The following EFCAB6 variants were observed in gnomAD, a reference collection of about 807,000 sequenced individuals.
EFCAB6 encodes the protein EF-hand calcium-binding domain-containing protein 6.
EFCAB6 carries 156 observed loss-of-function variants against 169.8 expected under a neutral mutation model. The observed-to-expected ratio is 0.92, with a 90% confidence interval of 0.81 to 1.05. EFCAB6 has a LOEUF of 1.05. Among genes scored for constraint, EFCAB6 ranks in the 50% least tolerant of loss-of-function variants. The pLI, the probability that EFCAB6 is intolerant of heterozygous loss-of-function variation, is 0.00. For synonymous variants in EFCAB6, 698 were observed against 676.4 expected, an observed-to-expected ratio of 1.03 and a Z score of -0.50; for missense variants, 1,800 against 1,829.1, an observed-to-expected ratio of 0.98 and a Z score of 0.29.
At chr22:43,581,757 A>G (rs921474211) in intron 24 of EFCAB6, among the ~76,000 whole-genome samples, 4 of 152,178 alleles carry the variant, frequency 2.6e-5, no homozygotes, top group African/African-American at 7.2e-5. Context: ...CCAAGAGCTG[A>G]GCTTTTCCAA....
In EFCAB6 at chr22:43,537,942, A is replaced by G. The variant is rs192209753; in HGVS notation, c.3880-397T>C. Among the ~76,000 whole-genome samples, 4 of 152,338 alleles carry G rather than the reference A, an allele frequency of 2.6e-5. No homozygotes were observed. Among genetic ancestry groups the G allele is most frequent in the Admixed American group, 1.3e-4 (2 of 15,298 alleles). ...GGCACAAGACATCCAATCCGTAAAC[A>G]TTCACAGAATATCTGTTATTTAGAC... On this transcript the variant is annotated intron_variant, in intron 28 of 31. Transcript: ENST00000262726. This position sits in a 1 kb window ranked among gnomAD's most constrained non-coding sequence, Gnocchi z 4.3.
rs34955597 is a variant in EFCAB6, at chr22:43,554,973, T to G, written c.3544A>C (p.Thr1182Pro). 82,148 of 1,614,070 alleles carry G rather than the reference T, an allele frequency of 0.051. 2,401 individuals carry two copies. Among genetic ancestry groups the G allele is most frequent in the South Asian group, 0.07 (6,365 of 91,070 alleles). Residue 1182 changes from threonine to proline, a missense_variant, in exon 27 of 32, where the codon ACC (threonine) becomes CCC (proline). Transcript: ENST00000262726. ...GTGTCAAAATTCTCAAACTCCTGGG[T>G]GATGGCATGGTAATGGGAAGTCACT... ...KAVTSHYHAI[T>P]QEFENFDTMK...
intron 10 of EFCAB6, among the ~76,000 whole-genome samples, chr22:43,696,467 A>G (rs2058579172): frequency 6.6e-6 from 1 of 152,186 alleles, no homozygotes; most frequent in South Asian, 2.1e-4. Context: ...AGAAATGAAA[A>G]CATGTCCACA....
At chr22:43,676,747 T>C (rs1467449849) in intron 13 of EFCAB6, among the ~76,000 whole-genome samples, 3 of 152,160 alleles carry the variant, frequency 2.0e-5, no homozygotes, top group Admixed American at 6.5e-5. Context: ...TCCAATAAAC[T>C]GTCCCATTTT....
At chr22:43,807,280 C>G (rs1739569017) in intron 2 of EFCAB6, among the ~76,000 whole-genome samples, 2 of 152,214 alleles carry the variant, frequency 1.3e-5, no homozygotes, top group Admixed American at 6.5e-5. Flanking sequence ...TAGCTCACCC[C>G]TGACTTTACA....
At chr22:43,782,686 C>T (rs1296705147) in intron 2 of EFCAB6, among the ~76,000 whole-genome samples, 1 of 152,152 alleles carries the variant, frequency 6.6e-6, no homozygotes, top group Non-Finnish European at 1.5e-5. Context: ...ATTCAACATG[C>T]AGTCAGAGGC....
At chr22:43,535,009 G>A in intron 29 of EFCAB6, 137 bp from the exon 30 acceptor site, 1 of 873,234 alleles carries the variant, frequency 1.1e-6, no homozygotes, top group Non-Finnish European at 1.7e-6. Context: ...ACTCACGGTT[G>A]GTGGCTGGAC....
intron 17 of EFCAB6, among the ~76,000 whole-genome samples, chr22:43,654,090 T>C (rs113514491): frequency 0.019 from 2,923 of 151,862 alleles, 43 homozygotes; most frequent in Non-Finnish European, 0.031. Flanking sequence ...AAATTACCAA[T>C]CAGAAGCGGA....
chr22:43,668,709 T>G lies in EFCAB6; in HGVS notation c.1814+163A>C, dbSNP rs370517275. On this transcript the variant is annotated intron_variant, in intron 16 of 31. Coordinates refer to ENST00000262726, the MANE Select transcript of EFCAB6 (RefSeq NM_022785.4). ...TTCAATAATTCCTAAGATCTCTGCT[T>G]GCTCTAAAATTCCCTGACTCTAATT... Among the ~76,000 whole-genome samples, 139 of 152,334 alleles carry G rather than the reference T, an allele frequency of 9.1e-4. 1 individual carries two copies. Among genetic ancestry groups the G allele is most frequent in the African/African-American group, 3.0e-3 (124 of 41,578 alleles).
intron 17 of EFCAB6, among the ~76,000 whole-genome samples, chr22:43,666,699 T>TTG (rs1569344880): frequency 4.3e-5 from 6 of 138,548 alleles, no homozygotes; most frequent in Non-Finnish European, 7.7e-5. Context: ...TTGTTTTTTT[T>TTG]TTTTTTTTTT....
rs7292660 is a variant in EFCAB6 at position 43,632,085 on chromosome 22, G to C, written c.2232+20C>G. 6.2e-7 allele frequency: 1 copy of C among 1,612,316 alleles called. No individual in the cohort carries two copies. Among genetic ancestry groups the C allele is most frequent in the Non-Finnish European group, 8.5e-7 (1 of 1,178,884 alleles). On this transcript the variant is annotated intron_variant, in intron 19 of 31. Coordinates refer to ENST00000262726, the MANE Select transcript of EFCAB6 (RefSeq NM_022785.4). ...CAGGGGAGGCCTAGAGAAGCCCAGCGCCAGACAGTCACGGTTTACCCGGAA... is the reference window on the plus strand; with the variant it reads ...CAGGGGAGGCCTAGAGAAGCCCAGCCCCAGACAGTCACGGTTTACCCGGAA...
chr22:43,734,756 C>T (rs2060072551), intron 7 of EFCAB6, among the ~76,000 whole-genome samples: 2 of 152,056 alleles, frequency 1.3e-5, no homozygotes, highest in Non-Finnish European at 2.9e-5. Flanking sequence ...GAAAAACATA[C>T]TCAAAAGAGA....
chr22:43,812,245 G>A lies in EFCAB6; in HGVS notation c.-222C>T, dbSNP rs556908541. Reference sequence around the variant, plus strand: ...GACCCCAAGCCGCGGGGTCTCAGAGGGGCTGCCCATTCGGCGTCTCTAGGA... The same window carrying A: ...GACCCCAAGCCGCGGGGTCTCAGAGAGGCTGCCCATTCGGCGTCTCTAGGA... On this transcript the variant is annotated 5_prime_UTR_variant, in exon 1 of 32. Coordinates refer to ENST00000262726, the MANE Select transcript of EFCAB6 (RefSeq NM_022785.4). 9 of 152,412 alleles carry A rather than the reference G, an allele frequency of 5.9e-5. No homozygotes were observed. Among genetic ancestry groups the A allele is most frequent in the South Asian group, 4.1e-4 (2 of 4,832 alleles). 9.4% of individuals were successfully genotyped at this position (152,412 alleles called of 1,614,324 possible).
At chr22:43,776,712 G>A (rs146081616) in intron 3 of EFCAB6, among the ~76,000 whole-genome samples, 1 of 152,316 alleles carries the variant, frequency 6.6e-6, no homozygotes, top group African/African-American at 2.4e-5. Flanking sequence ...GGACGGTGTG[G>A]CACATAGCAG....
Position 43,782,186 on chromosome 22 carries a change from A to G in EFCAB6, c.133T>C (p.Ser45Pro). ...TTTGCTCATGAATACTTACTTGAAGAAGATCTGAACTTATTTGGGGAACCA... is the reference window on the plus strand; with the variant it reads ...TTTGCTCATGAATACTTACTTGAAGGAGATCTGAACTTATTTGGGGAACCA... ...RNGSPNKFRS[S>P]STTAVANPTL... Residue 45 changes from serine (S) to proline (P), a missense_variant, in exon 3 of 32, where the codon TCT becomes CCT. Ser to Pro is a moderately conservative substitution (Grantham distance 74, BLOSUM62 -1). Coordinates refer to ENST00000262726, the MANE Select transcript of EFCAB6 (RefSeq NM_022785.4). 6.2e-7 allele frequency: 1 copy of G among 1,611,460 alleles called. No homozygotes were observed. The highest frequency in any genetic ancestry group is 1.7e-5 in the Admixed American group (1 of 59,318).
At chr22:43,710,419 A>G (rs1488026132) in intron 10 of EFCAB6, among the ~76,000 whole-genome samples, 2 of 152,244 alleles carry the variant, frequency 1.3e-5, no homozygotes, top group African/African-American at 4.8e-5. Flanking sequence ...GCTTAAAGTA[A>G]TGAGTTCTTA....
chr22:43,632,140 T>A lies in EFCAB6; in HGVS notation c.2197A>T (p.Lys733Ter). The change falls in exon 19 of 32, where the codon AAG becomes TAG. Residue 733 changes from lysine (K) to a stop codon, truncating the protein, a stop_gained. Transcript: ENST00000262726. LOFTEE classifies it high-confidence loss of function. ...TCCTTCAGCCTCCTAGGGAAAAGCTTCAGGCATTCTTCTGCGGTGATAAAG... is the reference window on the plus strand; with the variant it reads ...TCCTTCAGCCTCCTAGGGAAAAGCTACAGGCATTCTTCTGCGGTGATAAAG... ...SHFITAEECL[K>*]LFPRRLKESF... 1.9e-6 allele frequency: 3 copies of A among 1,614,162 alleles called. No homozygotes were observed. The highest frequency in any genetic ancestry group is 2.5e-6 in the Non-Finnish European group (3 of 1,180,036).
intron 21 of EFCAB6, among the ~76,000 whole-genome samples, chr22:43,613,200 T>C (rs954045774): frequency 2.0e-5 from 3 of 148,254 alleles, no homozygotes; most frequent in Non-Finnish European, 3.0e-5. Flanking sequence ...TATTAATATA[T>C]TTGTTATAGA....
intron 24 of EFCAB6, among the ~76,000 whole-genome samples, chr22:43,586,273 T>A (rs2051056251): frequency 6.6e-6 from 1 of 151,736 alleles, no homozygotes; most frequent in African/African-American, 2.4e-5. Flanking sequence ...TTAAGTTGTA[T>A]TATGTTACTT....
Sources: allele counts gnomAD v4.1 joint callset (sites outside exome capture counted in the v4.1 genomes callset), GRCh38; gene constraint gnomAD v4.1.1; non-coding constraint Gnocchi (gnomAD v3.1); transcripts MANE v1.5; gene names NCBI Gene and HGNC (gene_info 2026-07-23, HGNC 2026-07-21).